BANK1: variants seen among roughly 807,000 people sequenced by gnomAD.
BANK1 encodes the protein B-cell scaffold protein with ankyrin repeats.
A neutral mutation model predicts 94.5 loss-of-function variants in BANK1; 95 were observed. The observed-to-expected ratio is 1.00, with a 90% CI of 0.85 to 1.19. The LOEUF is 1.19. Ranked by LOEUF, BANK1 falls within the 50% of genes most tolerant of loss-of-function variation. BANK1 has a pLI of 0.00. For missense variants in BANK1, 987 were observed against 932.2 expected (o/e 1.06, Z -0.77); for synonymous variants, 334 against 308.4 (o/e 1.08, Z -0.87).
At chr4:101,948,628 G>T (rs982111217) in intron 7 of BANK1, among the ~76,000 whole-genome samples, 5 of 152,076 alleles carry the variant, frequency 3.3e-5, no homozygotes, top group African/African-American at 1.2e-4. Context: ...AATCTGGGAG[G>T]TGCTGTGGAT....
chr4:101,938,261 C>A (rs894356057), intron 7 of BANK1, among the ~76,000 whole-genome samples: 12 of 151,072 alleles, frequency 7.9e-5, no homozygotes, highest in Non-Finnish European at 1.8e-4. Flanking sequence ...CAATTGAACA[C>A]ATAGAGATAG....
At chr4:101,913,549 T>A (rs1305075726) in intron 6 of BANK1, among the ~76,000 whole-genome samples, 1 of 152,188 alleles carries the variant, frequency 6.6e-6, no homozygotes, top group Non-Finnish European at 1.5e-5. Context: ...TGCTTCAACC[T>A]TGTTTTGCTC....
chr4:102,052,271 C>A (rs1233982241), intron 11 of BANK1, among the ~76,000 whole-genome samples: 1 of 151,866 alleles, frequency 6.6e-6, no homozygotes, highest in African/African-American at 2.4e-5. Flanking sequence ...GCGTGTGCTA[C>A]CACGACCAGC....
intron 2 of BANK1, among the ~76,000 whole-genome samples, chr4:101,835,048 C>T (rs1726772503): frequency 1.3e-5 from 2 of 152,130 alleles, no homozygotes; most frequent in Non-Finnish European, 1.5e-5. Flanking sequence ...ACAAATCCAG[C>T]TGTATTTACT....
intron 7 of BANK1, among the ~76,000 whole-genome samples, chr4:101,983,169 A>T (rs1725376483): frequency 6.6e-6 from 1 of 152,180 alleles, no homozygotes; most frequent in Non-Finnish European, 1.5e-5. Flanking sequence ...TCTGTATGTG[A>T]AGCGCAAAGC....
chr4:101,881,404 G>C (rs748080818), intron 5 of BANK1, among the ~76,000 whole-genome samples: 2 of 152,034 alleles, frequency 1.3e-5, no homozygotes, highest in Non-Finnish European at 2.9e-5. Context: ...AGTTAAAATA[G>C]CTTATATTCC....
At chr4:101,848,520 G>A (rs12498977) in intron 2 of BANK1, among the ~76,000 whole-genome samples, 11,979 of 152,078 alleles carry the variant, frequency 0.079, 795 homozygotes, top group East Asian at 0.23. Flanking sequence ...AGTAACTTAA[G>A]GTTTACCTTG....
intron 7 of BANK1, among the ~76,000 whole-genome samples, chr4:102,019,789 A>C (rs1726829414): frequency 6.6e-6 from 1 of 151,900 alleles, no homozygotes; most frequent in Admixed American, 6.6e-5. Context: ...TTTAGCATAA[A>C]TATTTCTACA....
intron 1 of BANK1, among the ~76,000 whole-genome samples, chr4:101,802,718 C>T (rs558866098): frequency 4.6e-5 from 7 of 151,984 alleles, no homozygotes; most frequent in South Asian, 4.1e-4. Flanking sequence ...CTATACCTCA[C>T]GTTTTTTTCT....
intron 4 of BANK1, 118 bp from the exon 5 acceptor site, chr4:101,870,387 T>TAG: frequency 1.1e-6 from 1 of 886,222 alleles, no homozygotes; most frequent in African/African-American, 1.7e-5. Flanking sequence ...TTTTAAGTGC[T>TAG]AGAGATGAGT....
rs186042269 is a variant in BANK1 at position 102,056,823 on chromosome 4, T to C, written c.1970-3388T>C. On this transcript the variant is annotated intron_variant, in intron 11 of 16. Transcript: ENST00000322953. ...GAGTTCGAGACCAGCCTGGCCAATA[T>C]TGCGAGACCCCATCTTTACTAAAAA... 3.1e-3 allele frequency among the ~76,000 whole-genome samples: 477 copies of C among 152,196 alleles called. 1 individual carries two copies. Among genetic ancestry groups the C allele is most frequent in the Non-Finnish European group, 4.7e-3 (318 of 67,992 alleles).
At chr4:101,927,239 A>G (rs916709158) in intron 7 of BANK1, among the ~76,000 whole-genome samples, 5 of 151,646 alleles carry the variant, frequency 3.3e-5, no homozygotes, top group Admixed American at 2.0e-4. Flanking sequence ...GAATTGTCAA[A>G]CACTTACAAG....
chr4:101,969,939 A>G (rs1252212844), intron 7 of BANK1, among the ~76,000 whole-genome samples: 1 of 152,142 alleles, frequency 6.6e-6, no homozygotes, highest in Non-Finnish European at 1.5e-5. Flanking sequence ...GGGAGTGTGT[A>G]TTTAGGACCC....
At chr4:101,942,979 A>G (rs1274339074) in intron 7 of BANK1, among the ~76,000 whole-genome samples, 1 of 151,922 alleles carries the variant, frequency 6.6e-6, no homozygotes, top group Non-Finnish European at 1.5e-5. Context: ...GTATATTATC[A>G]GAACACTCAG....
intron 10 of BANK1, among the ~76,000 whole-genome samples, chr4:102,031,507 C>G (rs1418245210): frequency 6.6e-6 from 1 of 152,058 alleles, no homozygotes; most frequent in East Asian, 1.9e-4. Flanking sequence ...ACATGAAGTC[C>G]TTGCCCATGT....
At chr4:101,795,027 T>G (rs1365838422) in intron 1 of BANK1, among the ~76,000 whole-genome samples, 1 of 149,986 alleles carries the variant, frequency 6.7e-6, no homozygotes, top group Non-Finnish European at 1.5e-5. Context: ...ATAAGAACAG[T>G]CTCTGACTTG....
intron 12 of BANK1, among the ~76,000 whole-genome samples, chr4:102,061,198 ATTTTTGTTT>A (rs1251447093): frequency 4.6e-5 from 7 of 152,216 alleles, no homozygotes; most frequent in Non-Finnish European, 1.5e-5. Context: ...CCAAGAGATA[ATTTTTGTTT>A]AAAAGACGAT....
At chr4:101,913,795 T>C (rs963165344) in intron 6 of BANK1, among the ~76,000 whole-genome samples, 4 of 152,170 alleles carry the variant, frequency 2.6e-5, no homozygotes, top group African/African-American at 9.7e-5. Context: ...CCTCCTATCA[T>C]TACTGCTGCT....
At chr4:102,015,418 T>TAAAGAAATTGAAAGA (rs1267507267) in intron 7 of BANK1, among the ~76,000 whole-genome samples, 2 of 152,148 alleles carry the variant, frequency 1.3e-5, no homozygotes, top group Non-Finnish European at 2.9e-5. Context: ...CATGACTTCA[T>TAAAGAAATTGAAAGA]AAAGAAATTG....
Sources: gnomAD v4.1 joint callset for allele counts (sites outside exome capture counted in the v4.1 genomes callset) on GRCh38, gnomAD v4.1.1 for gene constraint, MANE v1.5 for transcripts, NCBI Gene and HGNC (gene_info 2026-07-23, HGNC 2026-07-21) for gene names.